TCF20: variants seen among roughly 807,000 people sequenced by gnomAD.
The protein encoded by TCF20 is transcription factor 20, also known as SPRE-binding protein.
TCF20 carries 3 observed loss-of-function variants against 148.6 expected under a neutral mutation model. The observed-to-expected ratio is 0.02, with a 90% CI of 0.01 to 0.05. The LOEUF is 0.05. Ranked by LOEUF, TCF20 falls within the 10% of genes least tolerant of loss-of-function variation. The pLI is 1.00. For missense variants in TCF20, 2,350 were observed against 2,429.3 expected, an observed-to-expected ratio of 0.97 and a Z score of 0.69; for synonymous variants, 1,049 against 909.5, an observed-to-expected ratio of 1.15 and a Z score of -2.76.
At chr22:42,300,138 TC>T (rs1222044466) in intron 1 of TCF20, among the ~76,000 whole-genome samples, 3 of 152,002 alleles carry the variant, frequency 2.0e-5, no homozygotes, top group Non-Finnish European at 4.4e-5. Context: ...GTCTGGAATA[TC>T]AGGGGGTTAG....
intron 3 of TCF20, among the ~76,000 whole-genome samples, chr22:42,172,710 G>A (rs942565876): frequency 3.9e-5 from 6 of 152,324 alleles, no homozygotes; most frequent in Admixed American, 1.3e-4. Flanking sequence ...GGCTCAAGGA[G>A]GGAGGTAGGA....
intron 3 of TCF20, among the ~76,000 whole-genome samples, chr22:42,175,366 G>C (rs1936388889): frequency 1.3e-5 from 2 of 152,202 alleles, no homozygotes; most frequent in Middle Eastern, 3.4e-3. Flanking sequence ...TTTTGAGACA[G>C]AGTCTCGCTC....
At chr22:42,195,989 T>G (rs1254744217) in intron 2 of TCF20, among the ~76,000 whole-genome samples, 7 of 152,176 alleles carry the variant, frequency 4.6e-5, no homozygotes. Flanking sequence ...GGGGAGCCTA[T>G]CTGGTGAGGA....
chr22:42,168,682 G>T lies in TCF20; in HGVS notation c.5854C>A (p.Leu1952Ile), dbSNP rs753323847. Reference sequence around the variant, plus strand: ...CCCCGCTCCGACTGCTCTGTGCTGAGGCTGCCTTTCGCGGTCTTGTTCTGC... The same window carrying T: ...CCCCGCTCCGACTGCTCTGTGCTGATGCTGCCTTTCGCGGTCTTGTTCTGC... ...PLQNKTAKGSLSTEQSERG is the reference protein window; with the variant it reads ...PLQNKTAKGSISTEQSERG Residue 1952 changes from leucine (L) to isoleucine (I), a missense_variant, in exon 5 of 6, where the codon CTC (leucine) becomes ATC (isoleucine). Leu to Ile is a conservative substitution (Grantham distance 5). Coordinates refer to ENST00000677622, the MANE Select transcript of TCF20 (RefSeq NM_001378418.1). The T allele has an allele frequency of 1.9e-6, 3 of 1,610,522 alleles. No individual in the cohort carries two copies. The highest frequency in any genetic ancestry group is 2.5e-6 in the Non-Finnish European group (3 of 1,178,736).
rs578254500 is a variant in TCF20 at position 42,176,382 on chromosome 22, G to C, written c.5749+3227C>G. Among the ~76,000 whole-genome samples, 294 of 152,254 alleles carry C rather than the reference G, an allele frequency of 1.9e-3. 2 individuals carry two copies. The highest frequency in any genetic ancestry group is 0.014 in the Middle Eastern group (4 of 294). ...GCAACTGCTGCGCTGGAAGGAAGGG[G>C]GGGGCAGGATGAATTCTGAGACCTG... On this transcript the variant is annotated intron_variant, in intron 3 of 5. Coordinates refer to ENST00000677622, the MANE Select transcript of TCF20 (RefSeq NM_001378418.1).
chr22:42,270,727 C>G (rs867611817), upstream of TCF20, among the ~76,000 whole-genome samples: 942 of 130,078 alleles, frequency 7.2e-3, 12 homozygotes, highest in African/African-American at 0.025. Flanking sequence ...GGAGGGCGCG[C>G]GGCGGGGCGG....
intron 1 of TCF20, among the ~76,000 whole-genome samples, chr22:42,326,020 G>C (rs1927869045): frequency 6.6e-6 from 1 of 152,100 alleles, no homozygotes; most frequent in Non-Finnish European, 1.5e-5. Context: ...CACCACCTAA[G>C]GCCCCCTTTC....
rs1921033559 is a variant in TCF20 at position 42,212,283 on chromosome 22, T to C, written c.3023A>G (p.Gln1008Arg). The change falls in exon 2 of 6, where the codon CAA becomes CGA. Residue 1008 changes from glutamine (Q) to arginine (R), a missense_variant. By Grantham distance (43) the Gln-to-Arg change is conservative. Coordinates refer to ENST00000677622, the MANE Select transcript of TCF20 (RefSeq NM_001378418.1). ...REGMRGRSPS[Q>R]YHDFAEKLKM... is the part of the protein sequence containing the mutation. The stretch of plus-strand genomic sequence containing the variant: ...CAATTTTTCTGCAAAGTCATGATAT[T>C]GAGAAGGGGACCGACCCCTCATGCC... The C allele has an allele frequency of 6.2e-7, 1 of 1,614,030 alleles. No homozygotes were observed. Among genetic ancestry groups the C allele is most frequent in the African/African-American group, 1.3e-5 (1 of 74,900 alleles).
Position 42,161,151 on chromosome 22 carries a change from G to A in TCF20, c.*252C>T. ...CCCCCACATTGTCACTATGGAGATT[G>A]TGTCCATGGAAACAGCCATTCCAAC... is the stretch of plus-strand genomic sequence containing the variant. On this transcript the variant is annotated 3_prime_UTR_variant, in exon 6 of 6. Coordinates refer to ENST00000677622, the MANE Select transcript of TCF20 (RefSeq NM_001378418.1). 1 of 228,112 alleles carries A rather than the reference G, an allele frequency of 4.4e-6. No individual in the cohort carries two copies. Among genetic ancestry groups the A allele is most frequent in the Admixed American group, 5.2e-5 (1 of 19,186 alleles). The allele number at this position is 228,112 out of a possible 1,614,324, so 14.1% of individuals were successfully genotyped here.
At chr22:42,311,853 CA>C (rs1445352172) in intron 1 of TCF20, among the ~76,000 whole-genome samples, 1 of 152,242 alleles carries the variant, frequency 6.6e-6, no homozygotes, top group Non-Finnish European at 1.5e-5. Flanking sequence ...ATAGTCAAGA[CA>C]GCCCTGTTCT....
intron 1 of TCF20, among the ~76,000 whole-genome samples, chr22:42,228,726 A>G (rs950895235): frequency 6.6e-6 from 1 of 152,222 alleles, no homozygotes; most frequent in African/African-American, 2.4e-5. Flanking sequence ...ATCTCCAAGG[A>G]AAGGTGGAGT....
intron 1 of TCF20, among the ~76,000 whole-genome samples, chr22:42,296,901 G>A (rs1927247782): frequency 6.6e-6 from 1 of 152,228 alleles, no homozygotes; most frequent in Admixed American, 6.5e-5. Context: ...AGTAAAAACA[G>A]CAGCAACTAC....
intron 2 of TCF20, among the ~76,000 whole-genome samples, chr22:42,182,469 C>A (rs1038206528): frequency 6.6e-6 from 1 of 152,160 alleles, no homozygotes; most frequent in African/African-American, 2.4e-5. Flanking sequence ...ATCACCATCC[C>A]GGTTTACAAG....
intron 1 of TCF20, among the ~76,000 whole-genome samples, chr22:42,231,614 A>C (rs985729364): frequency 6.6e-6 from 1 of 152,232 alleles, no homozygotes; most frequent in Non-Finnish European, 1.5e-5. Context: ...ACAAATTTTT[A>C]AAGTTTTTAA....
At chr22:42,198,684 G>A (rs1175108058) in intron 2 of TCF20, among the ~76,000 whole-genome samples, 2 of 135,928 alleles carry the variant, frequency 1.5e-5, no homozygotes, top group Non-Finnish European at 3.2e-5. Flanking sequence ...TTTTTTTTGA[G>A]ACAGTCTCGC....
At position 42,276,702 on chromosome 22, in the gene TCF20, G is replaced by A. The variant is rs987940694; in HGVS notation, c.-37+7125C>T. On this transcript the variant is annotated intron_variant, in intron 1 of 5. Coordinates refer to the TCF20 transcript ENST00000359486. ...ACTCCGTCTCTCCCTCTAGTGACTC[G>A]GGGATAGCTGCCCTGATGCCAAGGC... The A allele has an allele frequency of 5.3e-5, 8 of 152,266 alleles. No individual in the cohort carries two copies. The South Asian group carries it at 8.3e-4, about 16-fold the overall frequency. 9.4% of individuals were successfully genotyped at this position (152,266 alleles called of 1,614,324 possible). A position where few individuals can be genotyped will look rare whatever the true frequency, so the allele number is the denominator to read the frequency against.
chr22:42,282,418 C>A (rs1416835171), intron 1 of TCF20, among the ~76,000 whole-genome samples: 1 of 152,246 alleles, frequency 6.6e-6, no homozygotes, highest in Non-Finnish European at 1.5e-5. Context: ...CCCTCATGGG[C>A]CCGTCAGAGG....
Position 42,211,320 on chromosome 22 carries a change from G to A in TCF20, c.3986C>T (p.Pro1329Leu). The A allele has an allele frequency of 6.2e-7, 1 of 1,614,176 alleles. No individual in the cohort carries two copies. Among genetic ancestry groups the A allele is most frequent in the Non-Finnish European group, 8.5e-7 (1 of 1,180,046 alleles). ...AGCAGGGCTTGTGAGGGTAACAGCA[G>A]GGCAGTTTCTACTATCTGGACTTGG... ...DLPSPDSRNC[P>L]AVTLTSPAKT... The change falls in exon 2 of 6, where the codon CCT (proline) becomes CTT (leucine). Residue 1329 changes from proline (P) to leucine (L), a missense_variant. Physicochemically the swap from Pro to Leu is moderately conservative, Grantham distance 98. Around this residue, in one of 7 missense-constraint regions of TCF20, gnomAD observed 1,641 missense variants for 1,662.6 expected, o/e 0.99. Transcript: ENST00000677622.
rs1259244659 is a variant in TCF20, at chr22:42,214,056, TGAG to T, written c.1247_1249del (p.Pro416del). The T allele has an allele frequency of 2.5e-6, 4 of 1,614,162 alleles. No individual in the cohort carries two copies. On this transcript the variant is annotated inframe_deletion, in exon 2 of 6. Transcript: ENST00000677622. ...CATCATTGATGGGGTTGGACTGAGT[TGAG>T]GCATTAACTGTAAAATTCTGTTTCT...
Sources: gnomAD v4.1 joint callset for allele counts (sites outside exome capture counted in the v4.1 genomes callset) on GRCh38, gnomAD v4.1.1 for gene constraint, gnomAD v4.1.1 regional missense constraint, MANE v1.5 for transcripts, NCBI Gene and HGNC (gene_info 2026-07-23, HGNC 2026-07-21) for gene names.